CHD4: variants seen among roughly 807,000 people sequenced by gnomAD.
CHD4 encodes chromodomain helicase DNA binding protein 4, also known as ATP-dependent chromatin remodeler CHD4.
In CHD4, 35 loss-of-function variants were observed where a neutral mutation model predicts 235.5. The ratio of observed to expected loss-of-function variants is 0.15; its 90% CI spans 0.11 to 0.20. The LOEUF (loss-of-function observed/expected upper bound fraction) is 0.20, where lower values mean the gene tolerates loss of function less well. Ranked by LOEUF, CHD4 falls within the 10% of genes least tolerant of loss-of-function variation. CHD4 has a pLI of 1.00. For missense variants in CHD4, 1,329 were observed against 2,432.3 expected (o/e 0.55, Z 9.54); for synonymous variants, 900 against 850.2 (o/e 1.06, Z -1.02).
chr12:6,594,445 C>T lies in CHD4; in HGVS notation c.2313+14G>A. 3 of 1,593,202 alleles carry T rather than the reference C, an allele frequency of 1.9e-6. No homozygotes were observed. Among genetic ancestry groups the T allele is most frequent in the Non-Finnish European group, 1.7e-6 (2 of 1,167,526 alleles). ...ACACCCACACAAAAAACTATCCACC[C>T]CAGATTTCCTTACCTCCTTGTAAAG... On this transcript the variant is annotated intron_variant, in intron 15 of 39. Transcript: ENST00000544040.
Position 6,601,080 on chromosome 12 carries a change from T to C in CHD4, c.800-27A>G, listed in dbSNP as rs370385858. On this transcript the variant is annotated intron_variant, in intron 6 of 39. Transcript: ENST00000544040. ...TAAAATCAGGATATATCCAAATATA[T>C]ACCACAAGACCAAAGATGGGGAAAA... is the stretch of plus-strand genomic sequence containing the variant. The C allele has an allele frequency of 1.3e-5, 20 of 1,540,760 alleles. 1 individual carries two copies. The Middle Eastern group carries it at 1.2e-3, about 94-fold the overall frequency.
At position 6,595,404 on chromosome 12, in the gene CHD4, C is replaced by T. The variant is rs377238334; in HGVS notation, c.2051G>A (p.Arg684Gln). Residue 684 changes from arginine to glutamine, a missense_variant, in exon 14 of 40, where the codon CGA becomes CAA. Physicochemically the swap from Arg to Gln is conservative, Grantham distance 43. Around this residue, in one of 26 missense-constraint regions of CHD4, gnomAD observed 121 missense variants for 177.8 expected, o/e 0.68. Transcript: ENST00000544040. The part of the protein sequence containing the change: ...HRELMRGEEG[R>Q]PGKKLKKVKL... ...CACCTTCTTGAGCTTCTTGCCTGGT[C>T]GGCCTTCCTCACCCCTCATTAACTC... 18 of 1,613,878 alleles carry T rather than the reference C, an allele frequency of 1.1e-5. No homozygotes were observed. Among genetic ancestry groups the T allele is most frequent in the Non-Finnish European group, 1.4e-5 (17 of 1,179,950 alleles).
At chr12:6,583,522 T>TAG in intron 25 of CHD4, 144 bp from the exon 26 acceptor site, 1 of 681,024 alleles carries the variant, frequency 1.5e-6, no homozygotes. Flanking sequence ...CCTAAGAACT[T>TAG]AGAAGAAATT....
chr12:6,599,739 C>T lies in CHD4; in HGVS notation c.1482+34G>A, dbSNP rs755848579. ...CCTACATAGAAAAGACTACACTTTC[C>T]CATTTTTTGCCCCGGCTGAGATCAG... is the stretch of plus-strand genomic sequence containing the variant. On this transcript the variant is annotated intron_variant, in intron 10 of 39. Transcript: ENST00000544040. 22 of 1,613,424 alleles carry T rather than the reference C, an allele frequency of 1.4e-5. No homozygotes were observed. The South Asian group carries it at 2.3e-4, about 17-fold the overall frequency.
intron 1 of CHD4, 175 bp from the exon 2 acceptor site, chr12:6,606,626 G>A (rs960415433): frequency 1.0e-5 from 4 of 385,856 alleles, no homozygotes; most frequent in African/African-American, 6.3e-5. Context: ...CCGGCTCCCC[G>A]GCAGGCGCCC....
Position 6,598,041 on chromosome 12 carries a change from T to C in CHD4, c.1745A>G (p.Glu582Gly). 2 of 1,614,204 alleles carry C rather than the reference T, an allele frequency of 1.2e-6. No individual in the cohort carries two copies. The highest frequency in any genetic ancestry group is 1.7e-6 in the Non-Finnish European group (2 of 1,180,036). The change falls in exon 12 of 40, where the codon GAG (glutamate) becomes GGG (glycine). Residue 582 changes from glutamate (E) to glycine (G), a missense_variant. Glu to Gly is a moderately conservative substitution (Grantham distance 98, BLOSUM62 -2). Transcript: ENST00000544040. ...RNYQRKNDMDEPPSGDFGGDE... is the reference protein window; with the variant it reads ...RNYQRKNDMDGPPSGDFGGDE... ...ACCACCAAAGTCCCCAGAAGGTGGC[T>C]CATCCATATCATTCTTCCGCTGATA...
intron 33 of CHD4, chr12:6,579,207 G>A: frequency 2.6e-6 from 1 of 377,696 alleles, no homozygotes; most frequent in Non-Finnish European, 5.0e-6. Context: ...CCCAGCACTT[G>A]GGGAGGCCAA....
chr12:6,595,177 T>C (rs1281567857), intron 14 of CHD4, among the ~76,000 whole-genome samples, 157 bp downstream of exon 14: 1 of 152,094 alleles, frequency 6.6e-6, no homozygotes, highest in Non-Finnish European at 1.5e-5. Flanking sequence ...CTTTCTGATA[T>C]ATAGAGATGT....
Position 6,593,258 on chromosome 12 carries a change from A to AG in CHD4, c.2515-31dup. 1 of 1,613,676 alleles carries AG rather than the reference A, an allele frequency of 6.2e-7. No homozygotes were observed. Among genetic ancestry groups the AG allele is most frequent in the Non-Finnish European group, 8.5e-7 (1 of 1,179,870 alleles). The stretch of plus-strand genomic sequence containing the variant: ...ACATGAAGGCAACTTGGTCACTACT[A>AG]GTCAGTTCCTCTGTGTAAGCACAAC... On this transcript the variant is annotated intron_variant, in intron 16 of 39. Transcript: ENST00000544040. This position sits in a 1 kb window ranked among gnomAD's most constrained non-coding sequence, Gnocchi z 4.9.
chr12:6,599,452 T>A (rs550415155), intron 10 of CHD4, among the ~76,000 whole-genome samples: 1,905 of 151,238 alleles, frequency 0.013, 18 homozygotes, highest in Non-Finnish European at 0.019. Flanking sequence ...AAAAAAAAAA[T>A]TTTTTTAACA....
At chr12:6,570,740 C>T (rs1355554811) in intron 39 of CHD4, 47 bp from the exon 40 acceptor site, 1 of 1,613,708 alleles carries the variant, frequency 6.2e-7, no homozygotes, top group Non-Finnish European at 8.5e-7. Context: ...GATAGGAATC[C>T]ACCCAATCTC....
At position 6,587,368 on chromosome 12, in the gene CHD4, T is replaced by C. The variant is rs752452916; in HGVS notation, c.3879+16A>G. On this transcript the variant is annotated intron_variant, in intron 25 of 39. Coordinates refer to ENST00000544040, the MANE Select transcript of CHD4 (RefSeq NM_001273.5). ...ACCAATTACCAAGCACAGGATTGCC[T>C]TGGATTCATACTCACCCCCATTTCT... The C allele has an allele frequency of 5.6e-6, 9 of 1,612,366 alleles. No individual in the cohort carries two copies. In the South Asian group the frequency reaches 8.8e-5, roughly 16 times the overall value.
rs1236160781 is a variant in CHD4 at position 6,581,896 on chromosome 12, G to A, written c.4516-82C>T. 36 of 1,445,980 alleles carry A rather than the reference G, an allele frequency of 2.5e-5. 1 individual carries two copies. Among genetic ancestry groups the A allele is most frequent in the Non-Finnish European group, 3.1e-5 (34 of 1,087,624 alleles). The allele number at this position is 1,445,980 out of a possible 1,614,324, so 89.6% of individuals were successfully genotyped here. On this transcript the variant is annotated intron_variant, in intron 30 of 39. Coordinates refer to ENST00000544040, the MANE Select transcript of CHD4 (RefSeq NM_001273.5). ...ATTGGCCTTCCAGTCTCCGCCTCCC[G>A]GGTTCAAGCAATTCTCCTGCCTCAG... is the stretch of plus-strand genomic sequence containing the variant.
At position 6,580,710 on chromosome 12, in the gene CHD4, A is replaced by AAAAAAACAAAAC. The variant is rs1555163975; in HGVS notation, c.4909+333_4909+334insGTTTTGTTTTTT. The AAAAAAACAAAAC allele has an allele frequency of 3.3e-3, 640 of 196,122 alleles. 8 individuals carry two copies. The highest frequency in any genetic ancestry group is 4.9e-3 in the Non-Finnish European group (517 of 105,700). The allele number at this position is 196,122 out of a possible 1,614,324, so 12.1% of individuals were successfully genotyped here. A position where few individuals can be genotyped will look rare whatever the true frequency, so the allele number is the denominator to read the frequency against. On this transcript the variant is annotated intron_variant, in intron 33 of 39. Coordinates refer to ENST00000544040, the MANE Select transcript of CHD4 (RefSeq NM_001273.5). ...CAACGAGTAAAACTCCTTTGAAAAAAAAAAAAAAAAAAAAAAAGCCAGGCA... is the reference window on the plus strand; with the variant it reads ...CAACGAGTAAAACTCCTTTGAAAAAAAAAAAACAAAACAAAAAAAAAAAAAAAAAGCCAGGCA...
chr12:6,598,512 A>G, intron 10 of CHD4, 87 bp from the exon 11 acceptor site: 2 of 1,150,832 alleles, frequency 1.7e-6, no homozygotes, highest in Non-Finnish European at 2.5e-6. Context: ...TCAAAGGACG[A>G]TTCAGATCTC....
chr12:6,580,940 G>A, intron 33 of CHD4, 104 bp downstream of exon 33: 1 of 1,285,694 alleles, frequency 7.8e-7, no homozygotes, highest in Non-Finnish European at 1.1e-6. Flanking sequence ...CTGGGAGGTG[G>A]AGGTTGCAGT....
intron 19 of CHD4, 53 bp downstream of exon 19, chr12:6,592,340 C>T: frequency 1.3e-6 from 2 of 1,531,008 alleles, no homozygotes; most frequent in Non-Finnish European, 1.8e-6. Flanking sequence ...AGGAAACACT[C>T]TGCAGACTGG....
intron 37 of CHD4, among the ~76,000 whole-genome samples, chr12:6,577,239 G>A (rs904562309): frequency 6.6e-6 from 1 of 151,546 alleles, no homozygotes; most frequent in Non-Finnish European, 1.5e-5. Flanking sequence ...AGCCAACATG[G>A]TGAAACCCCA....
chr12:6,582,003 A>G (rs1338566295), intron 30 of CHD4, 134 bp downstream of exon 30: 5 of 1,170,036 alleles, frequency 4.3e-6, no homozygotes, highest in Non-Finnish European at 5.8e-6. Flanking sequence ...GGGTTTCGCC[A>G]TGTTGACCAG....
Sources: allele counts gnomAD v4.1 joint callset (sites outside exome capture counted in the v4.1 genomes callset), GRCh38; gene constraint gnomAD v4.1.1; regional missense constraint gnomAD v4.1.1; non-coding constraint Gnocchi (gnomAD v3.1); transcripts MANE v1.5; gene names NCBI Gene and HGNC (gene_info 2026-07-23, HGNC 2026-07-21).